Variants in HUWE1 observed in about 807,000 individuals in gnomAD.
HUWE1 encodes the protein E3 ubiquitin-protein ligase HUWE1.
Under a neutral mutation model 299.4 loss-of-function variants are expected in HUWE1, and 18 were observed. That is an observed-to-expected ratio of 0.06 (90% CI 0.04 to 0.09). The LOEUF (loss-of-function observed/expected upper bound fraction) is 0.09. Among genes scored for constraint, HUWE1 ranks in the 10% least tolerant of loss-of-function variants. The probability of loss-of-function intolerance (pLI) is 1.00; values close to 1 mark genes in which losing one functional copy is unlikely to be tolerated. For synonymous variants in HUWE1, 1,317 were observed against 1,286.1 expected, an observed-to-expected ratio of 1.02 and a Z score of -0.51; for missense variants, 1,832 against 3,462.3, an observed-to-expected ratio of 0.53 and a Z score of 11.82.
intron 29 of HUWE1, 96 bp from the exon 30 acceptor site, chrX:53,595,499 A>G (rs1478182711): frequency 1.5e-5 from 10 of 660,514 alleles, no homozygotes; most frequent in Non-Finnish European, 2.4e-5. Context: ...ATGACTCACC[A>G]CTTCCTCCTA....
intron 63 of HUWE1, 73 bp downstream of exon 63, chrX:53,552,238 T>G: frequency 2.6e-6 from 3 of 1,139,811 alleles, no homozygotes. Context: ...GTTTGGCTGG[T>G]GGGCATTTCC....
intron 3 of HUWE1, among the ~76,000 whole-genome samples, chrX:53,656,334 C>G (rs2068743212): frequency 1.8e-5 from 2 of 108,801 alleles, no homozygotes; most frequent in Admixed American, 2.0e-4. Flanking sequence ...CTAGATTGTA[C>G]CGTTGCACTC....
In HUWE1 at chrX:53,686,637, G is replaced by GCCCTGCTTCCT. The variant is rs1557055756; in HGVS notation, c.-312_-311insAGGAAGCAGGG. 1 of 112,743 alleles carries GCCCTGCTTCCT rather than the reference G, an allele frequency of 8.9e-6. No homozygotes were observed. The highest frequency in any genetic ancestry group is 1.8e-5 in the Non-Finnish European group (1 of 54,497). 9.3% of individuals were successfully genotyped at this position (112,743 alleles called of 1,213,427 possible). A position where few individuals can be genotyped will look rare whatever the true frequency, so the allele number is the denominator to read the frequency against. On this transcript the variant is annotated 5_prime_UTR_variant, in exon 1 of 84. Transcript: ENST00000262854. ...CCCGCAGGAGCGTGCGGGGTCCGCGGCCCTGCTTCAGCCCTGCTTCAGCCC... is the reference window on the plus strand; with the variant it reads ...CCCGCAGGAGCGTGCGGGGTCCGCGGCCCTGCTTCCTCCCTGCTTCAGCCCTGCTTCAGCCC...
At chrX:53,660,312 G>C (rs2068936087) in intron 3 of HUWE1, among the ~76,000 whole-genome samples, 1 of 111,980 alleles carries the variant, frequency 8.9e-6, no homozygotes, top group African/African-American at 3.2e-5. Flanking sequence ...AGTGGCGCTA[G>C]ACTCTAAGTC....
chrX:53,582,162 A>G (rs1417317640), intron 42 of HUWE1, among the ~76,000 whole-genome samples: 1 of 112,804 alleles, frequency 8.9e-6, no homozygotes, highest in African/African-American at 3.2e-5. Context: ...ACCTAAAGTT[A>G]AAACTTTAAA....
In HUWE1 at chrX:53,547,753, G is replaced by C. The variant is rs782241218; in HGVS notation, c.10556C>G (p.Ala3519Gly). 1.1e-5 allele frequency: 13 copies of C among 1,202,144 alleles called. No homozygotes were observed. In the South Asian group the frequency reaches 1.8e-4, roughly 17 times the overall value. Residue 3519 changes from alanine (A) to glycine (G), a missense_variant, in exon 68 of 84, where the codon GCT becomes GGT. Physicochemically the swap from Ala to Gly is moderately conservative, Grantham distance 60. This residue lies in a region of HUWE1 where 119 missense variants were observed against 124.6 expected (regional missense o/e 0.96). Transcript: ENST00000262854. ...GACAATGGTGGAAATAGCCGTGGCA[G>C]CAACCAGGGCTGGAGCAGAAGTGAC... ...TPVTSAPALV[A>G]ATAISTIVVA...
At chrX:53,656,305 G>C (rs2068741922) in intron 3 of HUWE1, among the ~76,000 whole-genome samples, 1 of 109,051 alleles carries the variant, frequency 9.2e-6, no homozygotes, top group African/African-American at 3.4e-5. Flanking sequence ...GAAACTAGGA[G>C]GCGGAGGTTG....
intron 3 of HUWE1, among the ~76,000 whole-genome samples, chrX:53,668,593 C>T (rs1439105736): frequency 7.2e-5 from 8 of 111,479 alleles, no homozygotes; most frequent in African/African-American, 2.6e-4. Context: ...AGACAAGTTG[C>T]CATACATCTC....
At chrX:53,663,803 CAT>C (rs782797308) in intron 3 of HUWE1, among the ~76,000 whole-genome samples, 2 of 108,987 alleles carry the variant, frequency 1.8e-5, no homozygotes, top group East Asian at 5.8e-4. Context: ...GATATCCCAC[CAT>C]ATGTGATTAC....
intron 70 of HUWE1, among the ~76,000 whole-genome samples, chrX:53,545,859 G>T (rs1302255953): frequency 1.8e-5 from 2 of 111,415 alleles, no homozygotes; most frequent in East Asian, 5.7e-4. Flanking sequence ...GGACAGGGTA[G>T]ACAGACTCTA....
intron 2 of HUWE1, chrX:53,683,743 G>A (rs2033066550): frequency 7.1e-6 from 2 of 280,940 alleles, no homozygotes; most frequent in Non-Finnish European, 1.3e-5. Flanking sequence ...CACCTCAGAG[G>A]CGTCATAAAG....
At chrX:53,614,854 C>CT in intron 22 of HUWE1, 109 bp from the exon 23 acceptor site, 1 of 529,869 alleles carries the variant, frequency 1.9e-6, no homozygotes, top group African/African-American at 2.3e-5. Flanking sequence ...TGCCCAAACA[C>CT]TTTGTATACA....
At chrX:53,651,408 T>C (rs1444100144) in intron 4 of HUWE1, among the ~76,000 whole-genome samples, 1 of 111,291 alleles carries the variant, frequency 9.0e-6, no homozygotes, top group Non-Finnish European at 1.9e-5. Context: ...CACTGGGGAT[T>C]GATTCTAGGA....
At chrX:53,549,605 A>C in intron 66 of HUWE1, 100 bp from the exon 67 acceptor site, 1 of 738,719 alleles carries the variant, frequency 1.4e-6, no homozygotes, top group African/African-American at 2.1e-5. Context: ...ATCTCCAAGG[A>C]GGCTTGAGAA....
At position 53,557,400 on chromosome X, in the gene HUWE1, T is replaced by C. The variant is rs782032195; in HGVS notation, c.8188A>G (p.Thr2730Ala). ...QCTASKSNDS[T>A]EQNLSDGTPM... ...GAGTTACCTGAGAGATTCTGTTCAG[T>C]GGAGTCATTTGACTTAGATGCAGTA... Residue 2730 changes from threonine to alanine, a missense_variant, in exon 60 of 84, where the codon ACT becomes GCT. Physicochemically the swap from Thr to Ala is moderately conservative, Grantham distance 58. Coordinates refer to ENST00000262854, the MANE Select transcript of HUWE1 (RefSeq NM_031407.7). The C allele has an allele frequency of 9.1e-6, 11 of 1,207,322 alleles. No individual in the cohort carries two copies. In the East Asian group the frequency reaches 2.4e-4, roughly 26 times the overall value.
At chrX:53,544,109 T>A in intron 72 of HUWE1, 141 bp from the exon 73 acceptor site, 1 of 535,621 alleles carries the variant, frequency 1.9e-6, no homozygotes, top group East Asian at 3.6e-5. Context: ...TTCAGAGTGC[T>A]CATCATCAGG....
In HUWE1 at chrX:53,548,873, C is replaced by T. The variant is rs782344278; in HGVS notation, c.10035+86G>A. 7.1e-5 allele frequency: 57 copies of T among 804,864 alleles called. No homozygotes were observed. In the South Asian group the frequency reaches 1.0e-3, roughly 14 times the overall value. The allele number at this position is 804,864 out of a possible 1,213,427, so 66.3% of individuals were successfully genotyped here. ...CACTTAAAATAAGAGCAAAAAGACACGCTAGCCTGCTTAGTGTTCAACTTT... is the reference window on the plus strand; with the variant it reads ...CACTTAAAATAAGAGCAAAAAGACATGCTAGCCTGCTTAGTGTTCAACTTT... On this transcript the variant is annotated intron_variant, in intron 67 of 83. Transcript: ENST00000262854.
chrX:53,567,485 TAGAA>T (rs1238357352), intron 49 of HUWE1, among the ~76,000 whole-genome samples: 4 of 111,290 alleles, frequency 3.6e-5, no homozygotes, highest in African/African-American at 1.3e-4. Context: ...GACTTAAAAA[TAGAA>T]AGCCAGAAAA....
intron 3 of HUWE1, among the ~76,000 whole-genome samples, chrX:53,679,766 C>G (rs1391737853): frequency 1.8e-5 from 2 of 112,332 alleles, no homozygotes; most frequent in African/African-American, 6.5e-5. Flanking sequence ...TTTTTCGTAA[C>G]TTTAATAAGA....
Sources: allele counts gnomAD v4.1 joint callset (sites outside exome capture counted in the v4.1 genomes callset), GRCh38; gene constraint gnomAD v4.1.1; regional missense constraint gnomAD v4.1.1; transcripts MANE v1.5; gene names NCBI Gene and HGNC (gene_info 2026-07-23, HGNC 2026-07-21).